TMEM143: variants seen among roughly 807,000 people sequenced by gnomAD.
TMEM143 encodes the protein transmembrane protein 143.
Under a neutral mutation model 40.3 loss-of-function variants are expected in TMEM143, and 45 were observed. The ratio of observed to expected loss-of-function variants is 1.12; its 90% confidence interval spans 0.88 to 1.43. The LOEUF (loss-of-function observed/expected upper bound fraction) is 1.43. Among genes scored for constraint, TMEM143 ranks in the 40% most tolerant of loss-of-function variants. TMEM143 has a pLI of 0.00. For synonymous variants in TMEM143, 299 were observed against 282.7 expected (o/e 1.06, Z -0.58); for missense variants, 620 against 613.4 (o/e 1.01, Z -0.11).
intron 3 of TMEM143, among the ~76,000 whole-genome samples, chr19:48,347,978 GCCACT>G (rs1442572761): frequency 6.9e-6 from 1 of 144,244 alleles, no homozygotes; most frequent in Non-Finnish European, 1.5e-5. Flanking sequence ...CCATGATCGT[GCCACT>G]CCACTCCACT....
At chr19:48,363,716 G>A in intron 1 of TMEM143, 182 bp downstream of exon 1, 1 of 1,351,556 alleles carries the variant, frequency 7.4e-7, no homozygotes. Context: ...GTCCCAGACA[G>A]GGGTCAGAGG....
chr19:48,353,920 C>A (rs1969827362), intron 3 of TMEM143, among the ~76,000 whole-genome samples: 2 of 151,828 alleles, frequency 1.3e-5, no homozygotes, highest in South Asian at 4.1e-4. Flanking sequence ...TAGATGCTTC[C>A]CTCTCAGGGC....
chr19:48,363,452 G>GC lies in TMEM143; in HGVS notation c.102dup (p.Pro35AlafsTer93), dbSNP rs1970109192. ...GCCCGGGGGGGCCCGAGGAGCGCGG[G>GC]CAACAGTGGCCATACTCGGACCCTG... On this transcript the variant is annotated frameshift_variant, in exon 2 of 8. Transcript: ENST00000293261. LOFTEE classifies it high-confidence loss of function. 1 of 1,613,818 alleles carries GC rather than the reference G, an allele frequency of 6.2e-7. No individual in the cohort carries two copies. The highest frequency in any genetic ancestry group is 1.1e-5 in the South Asian group (1 of 91,088).
chr19:48,363,330 A>G lies in TMEM143; in HGVS notation c.225T>C (p.Ile75=). ...DWAQQYRERF[I]PFSKEQLLRL... ...GGAGCAGCTGCTCCTTGGAGAAGGG[A>G]ATGAAGCGCTCGCGGTACTGCTGGG... Residue 75 remains isoleucine (I), a synonymous_variant, in exon 2 of 8, where the codon ATT becomes ATC. Transcript: ENST00000293261. 1.9e-6 allele frequency: 3 copies of G among 1,614,126 alleles called. No individual in the cohort carries two copies.
chr19:48,363,358 C>T lies in TMEM143; in HGVS notation c.197G>A (p.Trp66Ter), dbSNP rs748934604. The T allele has an allele frequency of 1.8e-5, 29 of 1,614,084 alleles. No individual in the cohort carries two copies. Among genetic ancestry groups the T allele is most frequent in the African/African-American group, 4.0e-5 (3 of 74,936 alleles). The stretch of plus-strand genomic sequence containing the variant: ...GAAGCGCTCGCGGTACTGCTGGGCC[C>T]AGTCGCGGGGCTCCCTGGGGTTCCA... ...KMWNPREPRD[W>*]AQQYRERFIP... Residue 66 changes from tryptophan to a stop codon, truncating the protein, a stop_gained, in exon 2 of 8, where the codon TGG becomes TAG. Transcript: ENST00000293261. LOFTEE classifies it high-confidence loss of function.
chr19:48,344,799 C>T (rs527608348), intron 4 of TMEM143, among the ~76,000 whole-genome samples: 1 of 152,114 alleles, frequency 6.6e-6, no homozygotes, highest in South Asian at 2.1e-4. Flanking sequence ...TTCCACCTCC[C>T]GGGTTCAAGA....
rs746268653 is a variant in TMEM143 at position 48,342,777 on chromosome 19, C to T, written c.728G>A (p.Arg243Gln). 2.7e-5 allele frequency: 43 copies of T among 1,609,056 alleles called. No homozygotes were observed. The Admixed American group carries it at 5.3e-4, about 20-fold the overall frequency. ...CAGTACCAGGTGTCCCCGTTTGGTCCGGGCTGCCAGGACCACCCGCTTAAA... is the reference window on the plus strand; with the variant it reads ...CAGTACCAGGTGTCCCCGTTTGGTCTGGGCTGCCAGGACCACCCGCTTAAA... ...RYFKRVVLAA[R>Q]TKRGHLVLKS... Residue 243 changes from arginine to glutamine, a missense_variant, in exon 6 of 8, where the codon CGG becomes CAG. By Grantham distance (43) the Arg-to-Gln change is conservative. Coordinates refer to ENST00000293261, the MANE Select transcript of TMEM143 (RefSeq NM_018273.4).
intron 3 of TMEM143, among the ~76,000 whole-genome samples, chr19:48,352,258 A>C (rs1351782736): frequency 6.8e-5 from 10 of 148,026 alleles, no homozygotes; most frequent in African/African-American, 2.2e-4. Flanking sequence ...AAAAAAAAAA[A>C]AAAACACCAT....
intron 2 of TMEM143, among the ~76,000 whole-genome samples, chr19:48,361,799 T>C (rs1427897157): frequency 1.3e-5 from 2 of 152,064 alleles, no homozygotes; most frequent in Non-Finnish European, 2.9e-5. Flanking sequence ...AGTGCTGGGA[T>C]TACAGGCGTG....
In TMEM143 at chr19:48,363,912, G is replaced by T. The variant is rs201886937; in HGVS notation, c.9C>A (p.Val3=). 2.5e-6 allele frequency: 4 copies of T among 1,613,800 alleles called. No homozygotes were observed. The highest frequency in any genetic ancestry group is 2.5e-6 in the Non-Finnish European group (3 of 1,179,810). The change falls in exon 1 of 8, where the codon GTC becomes GTA. Residue 3 remains valine (V), a synonymous_variant. Coordinates refer to ENST00000293261, the MANE Select transcript of TMEM143 (RefSeq NM_018273.4). ...TTCTCCCTCACCTTAGCCAAAGCTC[G>T]ACTGTCATTGAGCCTCCTGCGCATG... is the stretch of plus-strand genomic sequence containing the variant. MT[V]ELWLRLRGKG... is the part of the protein sequence containing the mutation.
At position 48,342,793 on chromosome 19, in the gene TMEM143, C is replaced by T. The variant is rs1276128029; in HGVS notation, c.712G>A (p.Val238Met). The change falls in exon 6 of 8, where the codon GTG (valine) becomes ATG (methionine). Residue 238 changes from valine to methionine, a missense_variant. Val to Met is a conservative substitution (Grantham distance 21). Transcript: ENST00000293261. The part of the protein sequence containing the change: ...PPAERRYFKR[V>M]VLAARTKRGH... The stretch of plus-strand genomic sequence containing the variant: ...CGTTTGGTCCGGGCTGCCAGGACCA[C>T]CCGCTTAAAGTATCTCCTGAGGGAC... 6.2e-7 allele frequency: 1 copy of T among 1,605,676 alleles called. No individual in the cohort carries two copies. Among genetic ancestry groups the T allele is most frequent in the African/African-American group, 1.3e-5 (1 of 74,788 alleles).
At chr19:48,345,604 G>A (rs143477169) in intron 3 of TMEM143, among the ~76,000 whole-genome samples, 77 of 150,584 alleles carry the variant, frequency 5.1e-4, no homozygotes, top group African/African-American at 1.8e-3. Flanking sequence ...GACTACAGGC[G>A]CACGCCACCA....
intron 3 of TMEM143, among the ~76,000 whole-genome samples, chr19:48,346,121 T>C (rs565768420): frequency 1.2e-4 from 18 of 150,368 alleles, no homozygotes; most frequent in Non-Finnish European, 2.2e-4. Context: ...AGATGGAGTC[T>C]CGCTCTGTCA....
chr19:48,359,883 T>G, intron 3 of TMEM143, 189 bp downstream of exon 3: 1 of 579,724 alleles, frequency 1.7e-6, no homozygotes, highest in Non-Finnish European at 3.0e-6. Flanking sequence ...ATATTTTATA[T>G]TTATTTGATT....
In TMEM143 at chr19:48,363,331, A is replaced by G; in HGVS notation, c.224T>C (p.Ile75Thr). 1 of 1,614,140 alleles carries G rather than the reference A, an allele frequency of 6.2e-7. No individual in the cohort carries two copies. The highest frequency in any genetic ancestry group is 1.3e-5 in the African/African-American group (1 of 75,058). ...DWAQQYRERF[I>T]PFSKEQLLRL... ...GAGCAGCTGCTCCTTGGAGAAGGGA[A>G]TGAAGCGCTCGCGGTACTGCTGGGC... The change falls in exon 2 of 8, where the codon ATT becomes ACT. Residue 75 changes from isoleucine (I) to threonine (T), a missense_variant. Coordinates refer to ENST00000293261, the MANE Select transcript of TMEM143 (RefSeq NM_018273.4).
intron 6 of TMEM143, among the ~76,000 whole-genome samples, chr19:48,335,915 T>G (rs1390651355): frequency 6.6e-6 from 1 of 151,310 alleles, no homozygotes; most frequent in Non-Finnish European, 1.5e-5. Flanking sequence ...AAAGTTAAAT[T>G]GTAAAGAGAA....
rs182966733 is a variant in TMEM143, at chr19:48,342,574, G to C, written c.931C>G (p.Leu311Val). 1 of 1,612,816 alleles carries C rather than the reference G, an allele frequency of 6.2e-7. No homozygotes were observed. Among genetic ancestry groups the C allele is most frequent in the Non-Finnish European group, 8.5e-7 (1 of 1,179,808 alleles). The part of the protein sequence containing the change: ...LTDLKVATSL[L>V]LLLFAIFMGL... ...ATGAAGATGGCGAAGAGCAGCAGCA[G>C]CAGGGAGGTGGCCACCTTGAGGTCG... Residue 311 changes from leucine (L) to valine (V), a missense_variant, in exon 6 of 8, where the codon CTG becomes GTG. Coordinates refer to ENST00000293261, the MANE Select transcript of TMEM143 (RefSeq NM_018273.4).
intron 3 of TMEM143, among the ~76,000 whole-genome samples, chr19:48,355,065 G>A (rs566246173): frequency 5.4e-4 from 82 of 151,662 alleles, no homozygotes; most frequent in African/African-American, 1.9e-3. Flanking sequence ...CACCCAGGCT[G>A]GAGTGCAGTG....
In TMEM143 at chr19:48,333,527, G is replaced by A. The variant is rs1159497882; in HGVS notation, c.1166-94C>T. On this transcript the variant is annotated intron_variant, in intron 7 of 7. Coordinates refer to ENST00000293261, the MANE Select transcript of TMEM143 (RefSeq NM_018273.4). This position sits in a 1 kb window ranked among gnomAD's most constrained non-coding sequence, Gnocchi z 4.1. ...AGGGGCGTAGGGCAAAGAACAGGAA[G>A]GGCCTGGGTTTGGGAGAAGCCTAGG... is the stretch of plus-strand genomic sequence containing the variant. The A allele has an allele frequency of 1.1e-5, 9 of 846,794 alleles. No homozygotes were observed. The Admixed American group carries it at 2.3e-4, about 22-fold the overall frequency. The allele number at this position is 846,794 out of a possible 1,614,324, so 52.5% of individuals were successfully genotyped here. A position where few individuals can be genotyped will look rare whatever the true frequency, so the allele number is the denominator to read the frequency against.
Sources: allele counts gnomAD v4.1 joint callset (sites outside exome capture counted in the v4.1 genomes callset), GRCh38; gene constraint gnomAD v4.1.1; non-coding constraint Gnocchi (gnomAD v3.1); transcripts MANE v1.5; gene names NCBI Gene and HGNC (gene_info 2026-07-23, HGNC 2026-07-21).